CMC2: variants seen among roughly 807,000 people sequenced by gnomAD.
The protein encoded by CMC2 is COX assembly mitochondrial protein 2 homolog.
Under a neutral mutation model 7.5 loss-of-function variants are expected in CMC2, and 5 were observed. The observed-to-expected ratio is 0.66, with a 90% CI of 0.35 to 1.40. The LOEUF (loss-of-function observed/expected upper bound fraction) is 1.40, where lower values mean the gene tolerates loss of function less well. CMC2 is among the 40% of genes most tolerant of loss of function. The probability of loss-of-function intolerance (pLI) is 0.04; values close to 1 mark genes in which losing one functional copy is unlikely to be tolerated. For missense variants in CMC2, 115 were observed against 92.3 expected (o/e 1.25, Z -1.01); for synonymous variants, 37 against 31.4 (o/e 1.18, Z -0.60).
At position 80,971,159 on chromosome 16, in the gene CMC2, T is replaced by C. The variant is rs1012106898; in HGVS notation, c.*4934A>G. On this transcript the variant is annotated 3_prime_UTR_variant, in exon 4 of 4. Coordinates refer to ENST00000219400, the MANE Select transcript of CMC2 (RefSeq NM_020188.5). ...CAAAAAACAACAACAAAAATACAAA[T>C]CATAAAATCTTAAAAACATTTGGGG... 6.6e-6 allele frequency: 1 copy of C among 151,952 alleles called. No homozygotes were observed. Among genetic ancestry groups the C allele is most frequent in the African/African-American group, 2.4e-5 (1 of 41,366 alleles). 9.4% of individuals were successfully genotyped at this position (151,952 alleles called of 1,614,324 possible). A position where few individuals can be genotyped will look rare whatever the true frequency, so the allele number is the denominator to read the frequency against.
chr16:80,995,878 A>C (rs1968377463), intron 2 of CMC2, among the ~76,000 whole-genome samples: 1 of 152,112 alleles, frequency 6.6e-6, no homozygotes, highest in Admixed American at 6.6e-5. Context: ...AACTCATCAA[A>C]CTGTATACTT....
At position 80,981,797 on chromosome 16, in the gene CMC2, T is replaced by G. The variant is rs1276525461; in HGVS notation, c.153+9A>C. The G allele has an allele frequency of 1.9e-6, 3 of 1,582,752 alleles. No individual in the cohort carries two copies. The highest frequency in any genetic ancestry group is 2.6e-6 in the Non-Finnish European group (3 of 1,153,772). ...TTCAACCATATCCATCCTTTGACAC[T>G]TTTCTTACCTCATTCTTCAGGCATT... On this transcript the variant is annotated intron_variant, in intron 3 of 3. Coordinates refer to ENST00000219400, the MANE Select transcript of CMC2 (RefSeq NM_020188.5).
In CMC2 at chr16:80,969,381, G is replaced by A. The variant is rs981690715; in HGVS notation, c.*6712C>T. 3 of 152,274 alleles carry A rather than the reference G, an allele frequency of 2.0e-5. No individual in the cohort carries two copies. The highest frequency in any genetic ancestry group is 2.1e-4 in the South Asian group (1 of 4,832). The allele number at this position is 152,274 out of a possible 1,614,324, so 9.4% of individuals were successfully genotyped here. On this transcript the variant is annotated 3_prime_UTR_variant, in exon 4 of 4. Transcript: ENST00000219400. ...ACAACAGATATTCACTGCAAAGCCC[G>A]GAGGGCCAATTTGAGAACAGCAATT... is the stretch of plus-strand genomic sequence containing the variant.
chr16:80,974,583 G>A lies in CMC2; in HGVS notation c.*1510C>T, dbSNP rs1001145944. The A allele has an allele frequency of 6.6e-6, 1 of 152,128 alleles. No homozygotes were observed. Among genetic ancestry groups the A allele is most frequent in the Admixed American group, 6.6e-5 (1 of 15,266 alleles). The allele number at this position is 152,128 out of a possible 1,614,324, so 9.4% of individuals were successfully genotyped here. A position where few individuals can be genotyped will look rare whatever the true frequency, so the allele number is the denominator to read the frequency against. On this transcript the variant is annotated 3_prime_UTR_variant, in exon 4 of 4. Coordinates refer to ENST00000219400, the MANE Select transcript of CMC2 (RefSeq NM_020188.5). ...ATCCCATTTTCACTCATTTGTCAAAGGTCATCTTTGCTAAATAGCTTTCTT... is the reference window on the plus strand; with the variant it reads ...ATCCCATTTTCACTCATTTGTCAAAAGTCATCTTTGCTAAATAGCTTTCTT...
chr16:80,999,475 A>G (rs535762459), intron 1 of CMC2, among the ~76,000 whole-genome samples: 1 of 152,344 alleles, frequency 6.6e-6, no homozygotes, highest in South Asian at 2.1e-4. Context: ...ATATCACTGA[A>G]ATGGCCATAT....
intron 3 of CMC2, chr16:80,978,412 G>C (rs779564479): frequency 8.2e-7 from 1 of 1,214,936 alleles, no homozygotes. Context: ...AGTCCAGATG[G>C]TCCCTGAATA....
At chr16:80,985,480 CAT>C (rs1967448296) in intron 2 of CMC2, among the ~76,000 whole-genome samples, 2 of 152,118 alleles carry the variant, frequency 1.3e-5, no homozygotes, top group Admixed American at 6.6e-5. Context: ...ACTATGCTAA[CAT>C]GTCATCTTAA....
chr16:80,978,891 C>T (rs1291486108), intron 3 of CMC2, among the ~76,000 whole-genome samples: 1 of 151,998 alleles, frequency 6.6e-6, no homozygotes, highest in Non-Finnish European at 1.5e-5. Flanking sequence ...ACCATCCTAG[C>T]TAACACGGTG....
chr16:80,996,997 G>A (rs919843940), intron 2 of CMC2: 27 of 471,916 alleles, frequency 5.7e-5, no homozygotes, highest in South Asian at 1.1e-4. Context: ...AAGTGTCAGC[G>A]CTGAATATAA....
rs1393805952 is a variant in CMC2, at chr16:80,966,884, T to C, written c.*9209A>G. ...GATTCATGGTATACCTTTGTGTAAATGCATCATTGTTTATTTAACTACTGT... is the reference window on the plus strand; with the variant it reads ...GATTCATGGTATACCTTTGTGTAAACGCATCATTGTTTATTTAACTACTGT... On this transcript the variant is annotated 3_prime_UTR_variant, in exon 4 of 4. Coordinates refer to ENST00000219400, the MANE Select transcript of CMC2 (RefSeq NM_020188.5). 1.4e-5 allele frequency: 2 copies of C among 146,372 alleles called. No individual in the cohort carries two copies. Among genetic ancestry groups the C allele is most frequent in the Non-Finnish European group, 3.0e-5 (2 of 67,168 alleles). 9.1% of individuals were successfully genotyped at this position (146,372 alleles called of 1,614,324 possible). A position where few individuals can be genotyped will look rare whatever the true frequency, so the allele number is the denominator to read the frequency against.
rs9931292 is a variant in CMC2 at position 80,975,671 on chromosome 16, C to G, written c.*422G>C. On this transcript the variant is annotated 3_prime_UTR_variant, in exon 4 of 4. Transcript: ENST00000219400. ...TCACTCTTTAAAAACAATAAAGTTG[C>G]AACATTTTCAAATAGTTAACACTGC... 53,360 of 152,916 alleles carry G rather than the reference C, an allele frequency of 0.35. 11,129 individuals carry two copies. The highest frequency in any genetic ancestry group is 0.59 in the African/African-American group (24,342 of 41,440). The allele number at this position is 152,916 out of a possible 1,614,324, so 9.5% of individuals were successfully genotyped here.
intron 2 of CMC2, among the ~76,000 whole-genome samples, chr16:80,988,938 A>G (rs1422514602): frequency 6.6e-6 from 1 of 151,952 alleles, no homozygotes; most frequent in African/African-American, 2.4e-5. Context: ...ATGCTCCCCC[A>G]CGTGGGTTTG....
At chr16:81,000,397 G>A (rs1271715277) in intron 1 of CMC2, among the ~76,000 whole-genome samples, 1 of 152,202 alleles carries the variant, frequency 6.6e-6, no homozygotes, top group Non-Finnish European at 1.5e-5. Context: ...TCGAGAGGCT[G>A]AGGAAGGAGA....
At chr16:80,996,421 T>C (rs1424732669) in intron 2 of CMC2, among the ~76,000 whole-genome samples, 5 of 152,244 alleles carry the variant, frequency 3.3e-5, no homozygotes. Flanking sequence ...ATATAGTTTT[T>C]ACTTTAAAAA....
At position 80,972,185 on chromosome 16, in the gene CMC2, T is replaced by C. The variant is rs1390681390; in HGVS notation, c.*3908A>G. 1.3e-5 allele frequency: 2 copies of C among 152,258 alleles called. No individual in the cohort carries two copies. Among genetic ancestry groups the C allele is most frequent in the African/African-American group, 4.8e-5 (2 of 41,458 alleles). 9.4% of individuals were successfully genotyped at this position (152,258 alleles called of 1,614,324 possible). A position where few individuals can be genotyped will look rare whatever the true frequency, so the allele number is the denominator to read the frequency against. On this transcript the variant is annotated 3_prime_UTR_variant, in exon 4 of 4. Coordinates refer to ENST00000219400, the MANE Select transcript of CMC2 (RefSeq NM_020188.5). The stretch of plus-strand genomic sequence containing the variant: ...CCCTTCACCACTTTCTGCTATGTAC[T>C]TATCTCCTTCAGTGACCTCTCTAGA...
chr16:80,978,267 C>G, intron 3 of CMC2: 1 of 1,119,792 alleles, frequency 8.9e-7, no homozygotes, highest in Non-Finnish European at 1.1e-6. Flanking sequence ...CTGGATTGCC[C>G]CCAGCAATCA....
chr16:80,985,963 T>C (rs1297848194), intron 2 of CMC2, among the ~76,000 whole-genome samples: 1 of 145,398 alleles, frequency 6.9e-6, no homozygotes, highest in Non-Finnish European at 1.5e-5. Flanking sequence ...TGGTGAAGAC[T>C]AACAGCTACT....
chr16:80,991,848 C>T (rs1039053649), intron 2 of CMC2: 23 of 435,414 alleles, frequency 5.3e-5, no homozygotes, highest in Non-Finnish European at 9.7e-5. Context: ...AAATACCTGG[C>T]CATTATGCCT....
Position 80,971,224 on chromosome 16 carries a change from C to T in CMC2, c.*4869G>A, listed in dbSNP as rs1307930746. The T allele has an allele frequency of 6.6e-6, 1 of 152,066 alleles. No individual in the cohort carries two copies. Among genetic ancestry groups the T allele is most frequent in the Non-Finnish European group, 1.5e-5 (1 of 68,010 alleles). 9.4% of individuals were successfully genotyped at this position (152,066 alleles called of 1,614,324 possible). On this transcript the variant is annotated 3_prime_UTR_variant, in exon 4 of 4. Coordinates refer to ENST00000219400, the MANE Select transcript of CMC2 (RefSeq NM_020188.5). ...TTCTAGTAAGTTTGAAAATGCATAC[C>T]TTACAGCCCAATAATTAAAATCCTA...
Sources: gnomAD v4.1 joint callset for allele counts (sites outside exome capture counted in the v4.1 genomes callset) on GRCh38, gnomAD v4.1.1 for gene constraint, MANE v1.5 for transcripts, NCBI Gene and HGNC (gene_info 2026-07-23, HGNC 2026-07-21) for gene names.